NAALADL2: variants seen among roughly 807,000 people sequenced by gnomAD.
NAALADL2 encodes inactive N-acetylated-alpha-linked acidic dipeptidase-like protein 2.
Under a neutral mutation model 87.2 loss-of-function variants are expected in NAALADL2, and 76 were observed. The ratio of observed to expected loss-of-function variants is 0.87; its 90% confidence interval spans 0.72 to 1.05. The LOEUF is 1.05. NAALADL2 is among the 50% of genes least tolerant of loss of function. The pLI is 0.00. For missense variants in NAALADL2, 1,089 were observed against 945.8 expected, an observed-to-expected ratio of 1.15 and a Z score of -1.99; for synonymous variants, 354 against 331.0, an observed-to-expected ratio of 1.07 and a Z score of -0.75.
intron 1 of NAALADL2, among the ~76,000 whole-genome samples, chr3:175,080,386 T>G (rs1717569618): frequency 6.6e-6 from 1 of 152,220 alleles, no homozygotes; most frequent in Admixed American, 6.5e-5. Context: ...ATGAAAGTAG[T>G]TTTCAGGTTT....
At chr3:175,225,701 A>G (rs552431900) in intron 2 of NAALADL2, among the ~76,000 whole-genome samples, 2 of 152,228 alleles carry the variant, frequency 1.3e-5, no homozygotes, top group Non-Finnish European at 2.9e-5. Flanking sequence ...AAAAAATAGA[A>G]ATAATGACTC....
chr3:175,244,897 G>A (rs2109674642), intron 3 of NAALADL2, among the ~76,000 whole-genome samples: 1 of 152,180 alleles, frequency 6.6e-6, no homozygotes, highest in East Asian at 1.9e-4. Context: ...TGATGTCTAT[G>A]TTTACTTTTT....
intron 13 of NAALADL2, among the ~76,000 whole-genome samples, chr3:175,778,433 T>C (rs1317678579): frequency 6.6e-6 from 1 of 152,168 alleles, no homozygotes; most frequent in Non-Finnish European, 1.5e-5. Context: ...GGTCTCTCCC[T>C]TGTTCCGGGA....
At chr3:174,780,412 A>G (rs538824497) in intron 3 of NAALADL2, among the ~76,000 whole-genome samples, 51 of 152,290 alleles carry the variant, frequency 3.3e-4, no homozygotes, top group African/African-American at 1.2e-3. Context: ...TAAATACACA[A>G]TCATGTCATC....
intron 11 of NAALADL2, among the ~76,000 whole-genome samples, chr3:175,630,905 A>C (rs12491616): frequency 0.26 from 39,278 of 151,370 alleles, 5,774 homozygotes; most frequent in African/African-American, 0.41. Context: ...TATTACTAGT[A>C]TTATGTCAAT....
intron 4 of NAALADL2, among the ~76,000 whole-genome samples, chr3:175,314,694 A>ATATATATATATATATATAGTTCTAAC (rs1758883865): frequency 1.2e-5 from 1 of 82,750 alleles, no homozygotes; most frequent in African/African-American, 5.1e-5. Flanking sequence ...ATATATATAT[A>ATATATATATATATATATAGTTCTAAC]TATATATATA....
At position 175,351,923 on chromosome 3, in the gene NAALADL2, A is replaced by G. The variant is rs932594906; in HGVS notation, c.1090+27598A>G. 3.3e-5 allele frequency among the ~76,000 whole-genome samples: 5 copies of G among 152,268 alleles called. No homozygotes were observed. In the South Asian group the frequency reaches 1.0e-3, roughly 32 times the overall value. ...AAAGGAGACACTCCACTAAACCTCC[A>G]GTCATTTTATCCAAACCAGCAAGTT... On this transcript the variant is annotated intron_variant, in intron 5 of 13. Transcript: ENST00000454872.
chr3:175,124,552 A>T (rs1726649815), intron 2 of NAALADL2: 1 of 151,988 alleles, frequency 6.6e-6, no homozygotes, highest in African/African-American at 2.4e-5. Flanking sequence ...CTTTCATTTT[A>T]CATTGGGCAT....
At chr3:174,688,513 A>G (rs1728256879) in intron 2 of NAALADL2, among the ~76,000 whole-genome samples, 1 of 152,058 alleles carries the variant, frequency 6.6e-6, no homozygotes, top group Admixed American at 6.6e-5. Context: ...GTTAATATAC[A>G]CTAAGTTCTT....
chr3:175,722,884 C>A (rs1020936785), intron 11 of NAALADL2, among the ~76,000 whole-genome samples: 1 of 152,074 alleles, frequency 6.6e-6, no homozygotes, highest in African/African-American at 2.4e-5. Flanking sequence ...GACCAGTGTG[C>A]TAATTTCCTT....
chr3:174,549,839 T>C (rs1161314029), intron 1 of NAALADL2, among the ~76,000 whole-genome samples: 3 of 151,732 alleles, frequency 2.0e-5, no homozygotes, highest in African/African-American at 4.8e-5. Context: ...AAACCCAGCC[T>C]CTACTCAAAC....
chr3:174,853,010 A>G (rs574833534), intron 3 of NAALADL2, among the ~76,000 whole-genome samples: 2 of 152,086 alleles, frequency 1.3e-5, no homozygotes, highest in Admixed American at 1.3e-4. Context: ...ATCTACATGC[A>G]TAAAAATTAA....
chr3:175,045,842 G>A (rs1029960594), intron 1 of NAALADL2, among the ~76,000 whole-genome samples: 6 of 152,056 alleles, frequency 3.9e-5, no homozygotes, highest in African/African-American at 1.4e-4. Context: ...AGCAAACCTG[G>A]CCTTCATTGT....
chr3:175,717,647 T>G (rs1331293561), intron 11 of NAALADL2, among the ~76,000 whole-genome samples: 1 of 148,172 alleles, frequency 6.7e-6, no homozygotes, highest in Non-Finnish European at 1.5e-5. Context: ...CCCAAGATCG[T>G]ACCACTACAC....
At chr3:175,243,503 A>C (rs1437803946) in intron 3 of NAALADL2, among the ~76,000 whole-genome samples, 1 of 150,242 alleles carries the variant, frequency 6.7e-6, no homozygotes, top group Admixed American at 6.6e-5. Flanking sequence ...TTTAAACCAT[A>C]GAAATTTGCA....
chr3:175,196,950 C>G (rs1038954333), intron 2 of NAALADL2, among the ~76,000 whole-genome samples: 1 of 151,592 alleles, frequency 6.6e-6, no homozygotes, highest in African/African-American at 2.4e-5. Flanking sequence ...TTTTATGGGT[C>G]ATGGTATCAT....
chr3:174,501,696 A>T (rs2108370156), intron 1 of NAALADL2, among the ~76,000 whole-genome samples: 1 of 152,246 alleles, frequency 6.6e-6, no homozygotes, highest in African/African-American at 2.4e-5. Context: ...AAAATTTTTC[A>T]TAATATTCTC....
chr3:175,307,151 C>T (rs1238180929), intron 4 of NAALADL2, among the ~76,000 whole-genome samples: 2 of 152,050 alleles, frequency 1.3e-5, no homozygotes, highest in Non-Finnish European at 2.9e-5. Context: ...AGAAAAATCA[C>T]AGCCCCTCCC....
chr3:175,323,017 T>C lies in NAALADL2; in HGVS notation c.940-1158T>C, dbSNP rs892013553. Among the ~76,000 whole-genome samples, 179 of 151,480 alleles carry C rather than the reference T, an allele frequency of 1.2e-3. 1 individual carries two copies. The highest frequency in any genetic ancestry group is 1.9e-3 in the Admixed American group (29 of 15,228). On this transcript the variant is annotated intron_variant, in intron 4 of 13. Transcript: ENST00000454872. The stretch of plus-strand genomic sequence containing the variant: ...ATACCCAAAAGACTATAAATCATGC[T>C]GCTATAAAGACACATGCACACGTAT...
Sources: gnomAD v4.1 joint callset for allele counts (sites outside exome capture counted in the v4.1 genomes callset) on GRCh38, gnomAD v4.1.1 for gene constraint, MANE v1.5 for transcripts, NCBI Gene and HGNC (gene_info 2026-07-23, HGNC 2026-07-21) for gene names.